The following AGPAT4 variants were observed in gnomAD, a reference collection of about 807,000 sequenced individuals.
AGPAT4 encodes 1-acylglycerol-3-phosphate O-acyltransferase 4.
AGPAT4 carries 15 observed loss-of-function variants against 48.0 expected under a neutral mutation model. The ratio of observed to expected loss-of-function variants is 0.31; its 90% CI spans 0.21 to 0.48. The LOEUF is 0.48. Among genes scored for constraint, AGPAT4 ranks in the 20% least tolerant of loss-of-function variants. The probability of loss-of-function intolerance (pLI) is 0.99; values close to 1 mark genes in which losing one functional copy is unlikely to be tolerated. For missense variants in AGPAT4, 314 were observed against 482.5 expected (o/e 0.65, Z 3.27); for synonymous variants, 178 against 198.7 (o/e 0.90, Z 0.88).
chr6:161,140,199 A>C lies in AGPAT4; in HGVS notation c.844-579T>G, dbSNP rs1481368565. Among the ~76,000 whole-genome samples the C allele has an allele frequency of 2.6e-5, 4 of 152,190 alleles. No homozygotes were observed. Among genetic ancestry groups the C allele is most frequent in the Non-Finnish European group, 4.4e-5 (3 of 68,026 alleles). ...TGGAGGGCTCTGAGGGCCGTGATTC[A>C]AGGCATCATGAATGACAAAGGGCTG... On this transcript the variant is annotated intron_variant, in intron 7 of 8. Coordinates refer to ENST00000320285, the MANE Select transcript of AGPAT4 (RefSeq NM_020133.3). This position sits in a 1 kb window ranked among gnomAD's most constrained non-coding sequence, Gnocchi z 6.5.
chr6:161,152,521 G>T (rs1380500212), intron 5 of AGPAT4, among the ~76,000 whole-genome samples: 1 of 152,236 alleles, frequency 6.6e-6, no homozygotes. Flanking sequence ...CTGGTAGGGG[G>T]TCAGCCAGGG....
intron 1 of AGPAT4, among the ~76,000 whole-genome samples, chr6:161,263,727 T>C (rs1043510307): frequency 6.6e-5 from 10 of 152,142 alleles, no homozygotes; most frequent in Non-Finnish European, 1.5e-5. Flanking sequence ...CCCCACAACA[T>C]CTTCATTACA....
intron 1 of AGPAT4, among the ~76,000 whole-genome samples, chr6:161,237,637 C>T (rs1782327010): frequency 6.6e-6 from 1 of 152,152 alleles, no homozygotes; most frequent in Admixed American, 6.5e-5. Context: ...ATAATGTGTG[C>T]ATATATGTCA....
chr6:161,140,596 CAAGG>C lies in AGPAT4; in HGVS notation c.844-980_844-977del, dbSNP rs933884884. 2.6e-5 allele frequency among the ~76,000 whole-genome samples: 4 copies of C among 152,240 alleles called. No individual in the cohort carries two copies. Among genetic ancestry groups the C allele is most frequent in the Non-Finnish European group, 5.9e-5 (4 of 68,046 alleles). On this transcript the variant is annotated intron_variant, in intron 7 of 8. Transcript: ENST00000320285. This position sits in a 1 kb window ranked among gnomAD's most constrained non-coding sequence, Gnocchi z 6.5. ...CTCAGCCGCAAGGAGCTGCTGAACACAAGGGAGGGACCCAGGAACCCAGGTCAGC... is the reference window on the plus strand; with the variant it reads ...CTCAGCCGCAAGGAGCTGCTGAACACGAGGGACCCAGGAACCCAGGTCAGC...
chr6:161,194,598 ATGTG>A (rs542476872), intron 2 of AGPAT4, among the ~76,000 whole-genome samples: 2 of 149,084 alleles, frequency 1.3e-5, no homozygotes, highest in East Asian at 1.9e-4. Context: ...GTATGTATGT[ATGTG>A]TGTCTATGTA....
In AGPAT4 at chr6:161,178,622, G is replaced by A. The variant is rs74729062; in HGVS notation, c.179-12205C>T. On this transcript the variant is annotated intron_variant, in intron 2 of 8. Transcript: ENST00000320285. This position sits in a 1 kb window ranked among gnomAD's most constrained non-coding sequence, Gnocchi z 5.1. ...ACCCTGCTTCAGCTCACACTCGCGTGGGCTGCACCCACTGTCCGACAAGCC... is the reference window on the plus strand; with the variant it reads ...ACCCTGCTTCAGCTCACACTCGCGTAGGCTGCACCCACTGTCCGACAAGCC... Among the ~76,000 whole-genome samples the A allele has an allele frequency of 3.0e-3, 458 of 152,232 alleles. 2 individuals carry two copies. The highest frequency in any genetic ancestry group is 0.01 in the African/African-American group (433 of 41,544).
At chr6:161,191,829 A>T (rs1334178767) in intron 2 of AGPAT4, among the ~76,000 whole-genome samples, 1 of 152,336 alleles carries the variant, frequency 6.6e-6, no homozygotes, top group East Asian at 1.9e-4. Flanking sequence ...ACTAAACTGC[A>T]AGGAGGCCAT....
intron 2 of AGPAT4, among the ~76,000 whole-genome samples, chr6:161,185,850 C>T (rs942641640): frequency 7.2e-5 from 11 of 152,062 alleles, no homozygotes; most frequent in South Asian, 2.1e-4. Context: ...ATATAGATCA[C>T]GGTCATGCCT....
intron 3 of AGPAT4, among the ~76,000 whole-genome samples, chr6:161,156,746 C>A (rs1779778922): frequency 6.6e-6 from 1 of 152,266 alleles, no homozygotes; most frequent in African/African-American, 2.4e-5. Flanking sequence ...AACACCCACA[C>A]TGGAAGGTTG....
chr6:161,207,210 A>G lies in AGPAT4; in HGVS notation c.178+24826T>C, dbSNP rs561948414. Among the ~76,000 whole-genome samples, 8 of 152,332 alleles carry G rather than the reference A, an allele frequency of 5.3e-5. No individual in the cohort carries two copies. The South Asian group carries it at 1.7e-3, about 32-fold the overall frequency. On this transcript the variant is annotated intron_variant, in intron 2 of 8. Coordinates refer to ENST00000320285, the MANE Select transcript of AGPAT4 (RefSeq NM_020133.3). ...AAATCCTCTGGAAGTAAAATTGCTA[A>G]ATGTCTTTAACTGCTTAAAAGTAGT...
In AGPAT4 at chr6:161,197,774, A is replaced by C. The variant is rs1470807745; in HGVS notation, c.179-31357T>G. Among the ~76,000 whole-genome samples, 1 of 152,194 alleles carries C rather than the reference A, an allele frequency of 6.6e-6. No individual in the cohort carries two copies. The highest frequency in any genetic ancestry group is 1.5e-5 in the Non-Finnish European group (1 of 68,020). On this transcript the variant is annotated intron_variant, in intron 2 of 8. Transcript: ENST00000320285. The surrounding 1 kb of genome is among the most constrained non-coding windows in gnomAD (Gnocchi z 5.7). ...GGGAGGTCACCCACAGAGGGCACCC[A>C]GGAGAGTTAAGTGCCTGCCGGAGTT...
Position 161,164,080 on chromosome 6 carries a change from G to C in AGPAT4, c.348+2168C>G, listed in dbSNP as rs1342692819. On this transcript the variant is annotated intron_variant, in intron 3 of 8. Transcript: ENST00000320285. The surrounding 1 kb of genome is among the most constrained non-coding windows in gnomAD (Gnocchi z 7.4). ...GGTGGGATGGGCGTGCTGTTGACTT[G>C]CTTTCCCGCCATCAGCGCTCCCGCC... Among the ~76,000 whole-genome samples the C allele has an allele frequency of 6.6e-6, 1 of 152,226 alleles. No individual in the cohort carries two copies. The highest frequency in any genetic ancestry group is 1.9e-4 in the East Asian group (1 of 5,194).
In AGPAT4 at chr6:161,232,841, A is replaced by T. The variant is rs149106111; in HGVS notation, c.-89-539T>A. Among the ~76,000 whole-genome samples, 211 of 152,278 alleles carry T rather than the reference A, an allele frequency of 1.4e-3. No individual in the cohort carries two copies. The highest frequency in any genetic ancestry group is 2.2e-3 in the Non-Finnish European group (150 of 68,022). On this transcript the variant is annotated intron_variant, in intron 1 of 8. Transcript: ENST00000320285. This position sits in a 1 kb window ranked among gnomAD's most constrained non-coding sequence, Gnocchi z 6.8. Reference sequence around the variant, plus strand: ...GCCTGCCCTGGACAAGGACGAGGACATACCCAGAGTGGGTGCCACCCCTCA... The same window carrying T: ...GCCTGCCCTGGACAAGGACGAGGACTTACCCAGAGTGGGTGCCACCCCTCA...
rs919063110 is a variant in AGPAT4, at chr6:161,264,548, T to C, written c.-90+9390A>G. 6.6e-6 allele frequency among the ~76,000 whole-genome samples: 1 copy of C among 152,198 alleles called. No individual in the cohort carries two copies. Among genetic ancestry groups the C allele is most frequent in the Admixed American group, 6.5e-5 (1 of 15,290 alleles). On this transcript the variant is annotated intron_variant, in intron 1 of 8. Transcript: ENST00000320285. This position sits in a 1 kb window ranked among gnomAD's most constrained non-coding sequence, Gnocchi z 6.8. ...GGCAGGGGTGGTGAGGTGGTCCCCC[T>C]GGCGTGCCCGCGCATCCCTGCCCTG...
intron 3 of AGPAT4, chr6:161,160,933 C>T (rs1263491710): frequency 2.2e-6 from 1 of 452,448 alleles, no homozygotes; most frequent in Non-Finnish European, 4.5e-6. Context: ...CGCCCAGCAC[C>T]CCAGCACCCT....
At position 161,219,141 on chromosome 6, in the gene AGPAT4, A is replaced by T; in HGVS notation, c.178+12895T>A. Among the ~76,000 whole-genome samples the T allele has an allele frequency of 6.6e-6, 1 of 152,308 alleles. No homozygotes were observed. The highest frequency in any genetic ancestry group is 3.4e-3 in the Middle Eastern group (1 of 294). ...TCCTTGCTTTAGAGCTTGTTTTCAT[A>T]AAACTATTTCCCCCTTACTTTAAGT... is the stretch of plus-strand genomic sequence containing the variant. On this transcript the variant is annotated intron_variant, in intron 2 of 8. Coordinates refer to ENST00000320285, the MANE Select transcript of AGPAT4 (RefSeq NM_020133.3). The surrounding 1 kb of genome is among the most constrained non-coding windows in gnomAD (Gnocchi z 4.9).
chr6:161,179,430 G>T (rs1194531208), intron 2 of AGPAT4, among the ~76,000 whole-genome samples: 1 of 152,172 alleles, frequency 6.6e-6, no homozygotes, highest in Non-Finnish European at 1.5e-5. Context: ...CAGCGCTGTG[G>T]TCAGTTCCTT....
intron 2 of AGPAT4, among the ~76,000 whole-genome samples, chr6:161,179,490 G>A (rs566367619): frequency 3.9e-5 from 6 of 152,310 alleles, no homozygotes; most frequent in South Asian, 2.1e-4. Flanking sequence ...GGTGTGAAGA[G>A]CAGATGCTAA....
At position 161,270,154 on chromosome 6, in the gene AGPAT4, G is replaced by T. The variant is rs567362040; in HGVS notation, c.-90+3784C>A. 2.6e-5 allele frequency among the ~76,000 whole-genome samples: 4 copies of T among 152,288 alleles called. No homozygotes were observed. Among genetic ancestry groups the T allele is most frequent in the South Asian group, 4.1e-4 (2 of 4,832 alleles). ...TTTGAAAACTATAACTATTTAAACT[G>T]TATCTTGTTTTGCTCACAGTTGCAT... is the stretch of plus-strand genomic sequence containing the variant. On this transcript the variant is annotated intron_variant, in intron 1 of 8. Transcript: ENST00000320285. The surrounding 1 kb of genome is among the most constrained non-coding windows in gnomAD (Gnocchi z 5.3).
Sources: allele counts gnomAD v4.1 joint callset (sites outside exome capture counted in the v4.1 genomes callset), GRCh38; gene constraint gnomAD v4.1.1; non-coding constraint Gnocchi (gnomAD v3.1); transcripts MANE v1.5; gene names NCBI Gene and HGNC (gene_info 2026-07-23, HGNC 2026-07-21).